The following KDM2A variants were observed in gnomAD, a reference collection of about 807,000 sequenced individuals.
KDM2A encodes lysine-specific demethylase 2A.
KDM2A carries 3 observed loss-of-function variants against 137.3 expected under a neutral mutation model. The ratio of observed to expected loss-of-function variants is 0.02; its 90% CI spans 0.01 to 0.06. The LOEUF (loss-of-function observed/expected upper bound fraction) is 0.06. KDM2A is among the 10% of genes least tolerant of loss of function. KDM2A has a pLI of 1.00. For synonymous variants in KDM2A, 512 were observed against 541.5 expected (o/e 0.95, Z 0.76); for missense variants, 738 against 1,510.6 (o/e 0.49, Z 8.48).
chr11:67,214,581 C>T (rs946998291), intron 6 of KDM2A, among the ~76,000 whole-genome samples: 4 of 152,132 alleles, frequency 2.6e-5, no homozygotes, highest in South Asian at 2.1e-4. Context: ...TCAGGTGATC[C>T]GCCTGCCTTG....
intron 2 of KDM2A, among the ~76,000 whole-genome samples, chr11:67,179,266 T>C (rs1857035204): frequency 6.6e-6 from 1 of 152,148 alleles, no homozygotes; most frequent in Non-Finnish European, 1.5e-5. Context: ...TGGGTTTTTT[T>C]TGTTTTGTTT....
chr11:67,167,105 C>A (rs951304031), intron 2 of KDM2A, among the ~76,000 whole-genome samples: 1 of 152,032 alleles, frequency 6.6e-6, no homozygotes, highest in Admixed American at 6.6e-5. Context: ...TTTAATATTG[C>A]GAGTTACTGC....
At chr11:67,167,328 A>G (rs1311059880) in intron 2 of KDM2A, among the ~76,000 whole-genome samples, 1 of 152,200 alleles carries the variant, frequency 6.6e-6, no homozygotes, top group African/African-American at 2.4e-5. Context: ...CAGCAAGCAC[A>G]CTGAACAGTT....
chr11:67,160,820 A>G (rs1856617861), intron 2 of KDM2A, among the ~76,000 whole-genome samples: 1 of 152,168 alleles, frequency 6.6e-6, no homozygotes, highest in Non-Finnish European at 1.5e-5. Context: ...ATTAATAACA[A>G]GAGCTAGCGG....
At chr11:67,153,424 G>T (rs1471442368) in intron 2 of KDM2A, among the ~76,000 whole-genome samples, 1 of 152,030 alleles carries the variant, frequency 6.6e-6, no homozygotes, top group South Asian at 2.1e-4. Context: ...AGGGAAATTT[G>T]GTTTAATGTG....
intron 3 of KDM2A, among the ~76,000 whole-genome samples, chr11:67,181,054 C>T (rs1300846978): frequency 1.3e-5 from 2 of 151,388 alleles, no homozygotes. Flanking sequence ...GTCCTATCCC[C>T]ATATTATTTA....
Position 67,217,176 on chromosome 11 carries a change from AGGTTAC to A in KDM2A, c.688-551_688-546del, listed in dbSNP as rs1235879427. The stretch of plus-strand genomic sequence containing the variant: ...AGAATCGCTTGAACCCAGGAGGTGG[AGGTTAC>A]GGTGAGCCAAGATTGTGCCACTGCA... On this transcript the variant is annotated intron_variant, in intron 8 of 20. Coordinates refer to ENST00000529006, the MANE Select transcript of KDM2A (RefSeq NM_012308.3). Among the ~76,000 whole-genome samples, 3 of 137,820 alleles carry A rather than the reference AGGTTAC, an allele frequency of 2.2e-5. No homozygotes were observed. The East Asian group carries it at 7.3e-4, about 33-fold the overall frequency. 90.4% of individuals were successfully genotyped at this position (137,820 alleles called of 152,430 possible).
In KDM2A at chr11:67,231,765, C is replaced by G. The variant is rs752036883; in HGVS notation, c.1284C>G (p.Asp428Glu). The G allele has an allele frequency of 1.3e-5, 21 of 1,613,928 alleles. No individual in the cohort carries two copies. The South Asian group carries it at 1.5e-4, about 12-fold the overall frequency. ...CTTTGGCTGGGGACTCATCTTCTGA[C>G]TGTAGCCGGGGCTCCCACAATGGAC... ...KKTLAGDSSS[D>E]CSRGSHNGQV... The change falls in exon 12 of 21, where the codon GAC becomes GAG. Residue 428 changes from aspartate to glutamate, a missense_variant. By Grantham distance (45) the Asp-to-Glu change is conservative. Around this residue, in one of 9 missense-constraint regions of KDM2A, gnomAD observed 113 missense variants for 133.5 expected, o/e 0.85. Transcript: ENST00000529006.
Position 67,215,102 on chromosome 11 carries a change from G to A in KDM2A, c.487-238G>A, listed in dbSNP as rs143040502. Among the ~76,000 whole-genome samples the A allele has an allele frequency of 3.3e-5, 5 of 152,164 alleles. No homozygotes were observed. In the East Asian group the frequency reaches 9.6e-4, roughly 29 times the overall value. On this transcript the variant is annotated intron_variant, in intron 6 of 20. Transcript: ENST00000529006. ...AATTAATGATTCCATTTTGACTAGT[G>A]CTGTCTTTACTATTATCATTTGATG...
At position 67,228,134 on chromosome 11, in the gene KDM2A, A is replaced by G; in HGVS notation, c.1055A>G (p.Lys352Arg). Residue 352 changes from lysine to arginine, a missense_variant, in exon 11 of 21, where the codon AAG (lysine) becomes AGG (arginine). By Grantham distance (26) the Lys-to-Arg change is conservative. Transcript: ENST00000529006. ...ATAACCAACCGTTCCCACCTAACTA[A>G]GGAATTTCAGAAAGAGTCCCTCAGC... ...YCITNRSHLT[K>R]EFQKESLSMD... 1.2e-6 allele frequency: 2 copies of G among 1,613,860 alleles called. No individual in the cohort carries two copies. Among genetic ancestry groups the G allele is most frequent in the Non-Finnish European group, 1.7e-6 (2 of 1,179,754 alleles).
intron 5 of KDM2A, among the ~76,000 whole-genome samples, chr11:67,195,394 A>AAG (rs1555089326): frequency 6.6e-6 from 1 of 150,706 alleles, no homozygotes; most frequent in East Asian, 2.0e-4. Context: ...AAAAAAAAAA[A>AAG]GTTGAATAAC....
intron 9 of KDM2A, among the ~76,000 whole-genome samples, chr11:67,218,959 C>A (rs1412610417): frequency 6.6e-6 from 1 of 152,114 alleles, no homozygotes; most frequent in East Asian, 1.9e-4. Context: ...CCAGTGTGGC[C>A]CAGGGAAGCC....
chr11:67,130,819 C>G (rs1212831718), intron 2 of KDM2A, among the ~76,000 whole-genome samples: 8 of 151,318 alleles, frequency 5.3e-5, no homozygotes, highest in Non-Finnish European at 7.4e-5. Context: ...TTATTTAATT[C>G]TCAAAACAAC....
chr11:67,185,736 T>G (rs1857187431), intron 5 of KDM2A, among the ~76,000 whole-genome samples: 1 of 152,010 alleles, frequency 6.6e-6, no homozygotes, highest in Admixed American at 6.6e-5. Context: ...ATAATTAGGC[T>G]ACAGGGACTC....
intron 12 of KDM2A, among the ~76,000 whole-genome samples, chr11:67,238,951 AGT>A (rs1461721269): frequency 1.3e-5 from 2 of 152,082 alleles, no homozygotes; most frequent in South Asian, 2.1e-4. Flanking sequence ...GACTGAAAGG[AGT>A]GTGTGTTCAG....
Position 67,257,711 on chromosome 11 carries a change from GTAAATA to G in KDM2A, c.*2659_*2664del, listed in dbSNP as rs1859656784. On this transcript the variant is annotated 3_prime_UTR_variant, in exon 21 of 21. Coordinates refer to ENST00000529006, the MANE Select transcript of KDM2A (RefSeq NM_012308.3). Reference sequence around the variant, plus strand: ...GTTTTTTGTTTTTCGGAGAAATATTGTAAATATATATTTTTTTGTTGCTGATTTAGA... The same window carrying G: ...GTTTTTTGTTTTTCGGAGAAATATTGTATATTTTTTTGTTGCTGATTTAGA... 1 of 152,058 alleles carries G rather than the reference GTAAATA, an allele frequency of 6.6e-6. No homozygotes were observed. Among genetic ancestry groups the G allele is most frequent in the Non-Finnish European group, 1.5e-5 (1 of 68,014 alleles). The allele number at this position is 152,058 out of a possible 1,614,324, so 9.4% of individuals were successfully genotyped here. A position where few individuals can be genotyped will look rare whatever the true frequency, so the allele number is the denominator to read the frequency against.
intron 2 of KDM2A, among the ~76,000 whole-genome samples, chr11:67,176,163 A>G (rs1443521981): frequency 6.6e-6 from 1 of 152,218 alleles, no homozygotes; most frequent in African/African-American, 2.4e-5. Flanking sequence ...TGGAAAAGAT[A>G]CTAGATTTCC....
intron 2 of KDM2A, among the ~76,000 whole-genome samples, chr11:67,131,300 G>T (rs1013297169): frequency 1.3e-5 from 2 of 151,694 alleles, no homozygotes; most frequent in Non-Finnish European, 2.9e-5. Context: ...CTCCAGCCTG[G>T]GTGACAAGAG....
chr11:67,255,358 G>T lies in KDM2A; in HGVS notation c.*303G>T, dbSNP rs1859567334. On this transcript the variant is annotated 3_prime_UTR_variant, in exon 21 of 21. Coordinates refer to ENST00000529006, the MANE Select transcript of KDM2A (RefSeq NM_012308.3). Reference sequence around the variant, plus strand: ...GCCAGGAGGCCGGGCTCTCAGTTTGGGGTGTTTGTGCAACCTTCATCTGCA... The same window carrying T: ...GCCAGGAGGCCGGGCTCTCAGTTTGTGGTGTTTGTGCAACCTTCATCTGCA... 2 of 465,940 alleles carry T rather than the reference G, an allele frequency of 4.3e-6. No individual in the cohort carries two copies. Among genetic ancestry groups the T allele is most frequent in the South Asian group, 1.8e-5 (1 of 55,210 alleles). The allele number at this position is 465,940 out of a possible 1,614,324, so 28.9% of individuals were successfully genotyped here. A position where few individuals can be genotyped will look rare whatever the true frequency, so the allele number is the denominator to read the frequency against.
Sources: gnomAD v4.1 joint callset for allele counts (sites outside exome capture counted in the v4.1 genomes callset) on GRCh38, gnomAD v4.1.1 for gene constraint, gnomAD v4.1.1 regional missense constraint, MANE v1.5 for transcripts, NCBI Gene and HGNC (gene_info 2026-07-23, HGNC 2026-07-21) for gene names.